The following RPS6KA3 variants were observed in gnomAD, a reference collection of about 807,000 sequenced individuals.
RPS6KA3 encodes the protein ribosomal protein S6 kinase A3.
Under a neutral mutation model 67.2 loss-of-function variants are expected in RPS6KA3, and 4 were observed. The ratio of observed to expected loss-of-function variants is 0.06; its 90% confidence interval spans 0.03 to 0.14. The LOEUF (loss-of-function observed/expected upper bound fraction) is 0.14. Among genes scored for constraint, RPS6KA3 ranks in the 10% least tolerant of loss-of-function variants. The pLI, the probability that RPS6KA3 is intolerant of heterozygous loss-of-function variation, is 1.00. For missense variants in RPS6KA3, 204 were observed against 559.0 expected, an observed-to-expected ratio of 0.36 and a Z score of 6.40; for synonymous variants, 182 against 183.7, an observed-to-expected ratio of 0.99 and a Z score of 0.07.
At chrX:20,183,556 G>A (rs1263565396) in intron 10 of RPS6KA3, among the ~76,000 whole-genome samples, 2 of 111,402 alleles carry the variant, frequency 1.8e-5, no homozygotes, top group African/African-American at 6.5e-5. Flanking sequence ...CCCAATGGTC[G>A]CAAATTAAGT....
chrX:20,260,241 T>C (rs981226111), intron 1 of RPS6KA3, among the ~76,000 whole-genome samples: 1 of 111,807 alleles, frequency 8.9e-6, no homozygotes, highest in African/African-American at 3.2e-5. Context: ...GGACACATTA[T>C]CTTCAAGAGG....
chrX:20,170,965 G>C (rs1411739231), intron 15 of RPS6KA3, among the ~76,000 whole-genome samples: 3 of 110,558 alleles, frequency 2.7e-5, no homozygotes, highest in Non-Finnish European at 5.7e-5. Context: ...TTTCTGTAGA[G>C]ATAGGGTCTT....
rs758988635 is a variant in RPS6KA3 at position 20,216,896 on chromosome X, G to A, written c.127-7492C>T. Among the ~76,000 whole-genome samples, 12 of 111,982 alleles carry A rather than the reference G, an allele frequency of 1.1e-4. No homozygotes were observed. In the Admixed American group the frequency reaches 1.1e-3, roughly 11 times the overall value. On this transcript the variant is annotated intron_variant, in intron 2 of 21. Coordinates refer to ENST00000379565, the MANE Select transcript of RPS6KA3 (RefSeq NM_004586.3). ...TTCTGATCTATGACATACTCTGTTAGGACCATTCCTTTTTGTTGGAAGGCC... is the reference window on the plus strand; with the variant it reads ...TTCTGATCTATGACATACTCTGTTAAGACCATTCCTTTTTGTTGGAAGGCC...
Position 20,175,897 on chromosome X carries a change from G to A in RPS6KA3, c.1102+353C>T, listed in dbSNP as rs775559319. Among the ~76,000 whole-genome samples, 106 of 111,022 alleles carry A rather than the reference G, an allele frequency of 9.5e-4. 1 individual carries two copies. Among genetic ancestry groups the A allele is most frequent in the Middle Eastern group, 9.2e-3 (2 of 217 alleles). ...TTTCTTTTTTTCTTTTTGAGACAGAGTGTCGCTCTGTCACCCAGGCTGGAG... is the reference window on the plus strand; with the variant it reads ...TTTCTTTTTTTCTTTTTGAGACAGAATGTCGCTCTGTCACCCAGGCTGGAG... On this transcript the variant is annotated intron_variant, in intron 13 of 21. Transcript: ENST00000379565.
At chrX:20,212,758 T>C (rs746482521) in intron 2 of RPS6KA3, among the ~76,000 whole-genome samples, 57 of 110,492 alleles carry the variant, frequency 5.2e-4, no homozygotes, top group Non-Finnish European at 2.7e-4. Flanking sequence ...AAAAAAGTAG[T>C]GTCTCCCTTT....
intron 1 of RPS6KA3, among the ~76,000 whole-genome samples, chrX:20,263,275 T>G (rs1730084428): frequency 8.9e-6 from 1 of 112,190 alleles, no homozygotes; most frequent in Non-Finnish European, 1.9e-5. Context: ...CACTAAATGC[T>G]GTCTCTGACA....
chrX:20,236,631 C>T (rs2069418407), intron 1 of RPS6KA3, among the ~76,000 whole-genome samples: 1 of 111,425 alleles, frequency 9.0e-6, no homozygotes, highest in African/African-American at 3.3e-5. Context: ...CAAAGGGCAC[C>T]TTTCATTTTC....
chrX:20,230,106 T>C (rs1474987850), intron 2 of RPS6KA3, among the ~76,000 whole-genome samples: 3 of 112,620 alleles, frequency 2.7e-5, no homozygotes, highest in Non-Finnish European at 3.7e-5. Flanking sequence ...TGAAGGTAGC[T>C]CAGGGCACTA....
intron 1 of RPS6KA3, among the ~76,000 whole-genome samples, chrX:20,251,695 TAAGTATA>T (rs2069874813): frequency 8.8e-6 from 1 of 113,213 alleles, no homozygotes; most frequent in South Asian, 3.5e-4. Context: ...TTAGTAGTAT[TAAGTATA>T]TTCACATTAT....
intron 7 of RPS6KA3, 98 bp downstream of exon 7, chrX:20,193,389 G>C (rs1465044085): frequency 1.9e-6 from 1 of 523,725 alleles, no homozygotes; most frequent in African/African-American, 2.3e-5. Flanking sequence ...AGGCACGCTA[G>C]TGCAATACTG....
chrX:20,221,328 T>C (rs1406273615), intron 2 of RPS6KA3, among the ~76,000 whole-genome samples: 2 of 112,203 alleles, frequency 1.8e-5, no homozygotes, highest in African/African-American at 6.5e-5. Context: ...TCACTAAAGT[T>C]TTGTTTTAAA....
chrX:20,227,524 A>C (rs907499063), intron 2 of RPS6KA3, among the ~76,000 whole-genome samples: 17 of 111,526 alleles, frequency 1.5e-4, no homozygotes, highest in Admixed American at 4.7e-4. Flanking sequence ...AGGATTAAAA[A>C]AATCTCTAAA....
Position 20,150,809 on chromosome X carries a change from C to T in RPS6KA3, c.*4589G>A, listed in dbSNP as rs2067092052. ...GGAGGTTTTATTGAGGTTTGTACCT[C>T]TGAACTTAAATCTCTACATTTTCCT... On this transcript the variant is annotated 3_prime_UTR_variant, in exon 22 of 22. Coordinates refer to ENST00000379565, the MANE Select transcript of RPS6KA3 (RefSeq NM_004586.3). 1 of 112,347 alleles carries T rather than the reference C, an allele frequency of 8.9e-6. No homozygotes were observed. The highest frequency in any genetic ancestry group is 9.5e-5 in the Admixed American group (1 of 10,508). 9.3% of individuals were successfully genotyped at this position (112,347 alleles called of 1,213,427 possible).
At chrX:20,211,757 C>CA (rs1038278560) in intron 2 of RPS6KA3, among the ~76,000 whole-genome samples, 11 of 109,503 alleles carry the variant, frequency 1.0e-4, no homozygotes, top group South Asian at 7.8e-4. Context: ...TATTAAAAAA[C>CA]AAAAAAAACC....
intron 16 of RPS6KA3, among the ~76,000 whole-genome samples, chrX:20,167,959 C>T (rs1221951641): frequency 1.8e-5 from 2 of 112,340 alleles, no homozygotes; most frequent in African/African-American, 3.2e-5. Flanking sequence ...GCGATCCTCC[C>T]ACTTCAGCCT....
At position 20,184,269 on chromosome X, in the gene RPS6KA3, G is replaced by A. The variant is rs113900409; in HGVS notation, c.845+2027C>T. Among the ~76,000 whole-genome samples the A allele has an allele frequency of 8.7e-4, 97 of 111,062 alleles. 1 individual carries two copies. Among genetic ancestry groups the A allele is most frequent in the African/African-American group, 3.0e-3 (92 of 30,614 alleles). On this transcript the variant is annotated intron_variant, in intron 10 of 21. Coordinates refer to ENST00000379565, the MANE Select transcript of RPS6KA3 (RefSeq NM_004586.3). ...TTGCCATGTTGGCCAGGCTGGTCTCGAACTCCTGACCTCAGGTGATCCACC... is the reference window on the plus strand; with the variant it reads ...TTGCCATGTTGGCCAGGCTGGTCTCAAACTCCTGACCTCAGGTGATCCACC...
chrX:20,215,630 A>G (rs1285933031), intron 2 of RPS6KA3, among the ~76,000 whole-genome samples: 1 of 112,058 alleles, frequency 8.9e-6, no homozygotes, highest in Non-Finnish European at 1.9e-5. Context: ...ACTTAATGTC[A>G]CCAGGTCATG....
intron 1 of RPS6KA3, among the ~76,000 whole-genome samples, chrX:20,252,117 T>C (rs2069890084): frequency 1.8e-5 from 2 of 112,472 alleles, no homozygotes; most frequent in Admixed American, 9.4e-5. Context: ...GTTTATTTGT[T>C]ACTGTATTTT....
chrX:20,245,397 T>C (rs2069659786), intron 1 of RPS6KA3, among the ~76,000 whole-genome samples: 1 of 112,217 alleles, frequency 8.9e-6, no homozygotes, highest in Non-Finnish European at 1.9e-5. Flanking sequence ...TCTATACCTG[T>C]CAATGGTGCT....
Sources: gnomAD v4.1 joint callset for allele counts (sites outside exome capture counted in the v4.1 genomes callset) on GRCh38, gnomAD v4.1.1 for gene constraint, MANE v1.5 for transcripts, NCBI Gene and HGNC (gene_info 2026-07-23, HGNC 2026-07-21) for gene names.